The following PXDNL variants were observed in gnomAD, a reference collection of about 807,000 sequenced individuals.
PXDNL encodes the protein peroxidasin like.
A neutral mutation model predicts 150.8 loss-of-function variants in PXDNL; 145 were observed. The ratio of observed to expected loss-of-function variants is 0.96; its 90% CI spans 0.84 to 1.10. PXDNL has a LOEUF of 1.10. Among genes scored for constraint, PXDNL ranks in the 50% least tolerant of loss-of-function variants. The probability of loss-of-function intolerance (pLI) is 0.00; values close to 1 mark genes in which losing one functional copy is unlikely to be tolerated. For missense variants in PXDNL, 2,087 were observed against 1,873.9 expected (o/e 1.11, Z -2.10); for synonymous variants, 757 against 725.7 (o/e 1.04, Z -0.69).
chr8:51,365,277 G>T (rs1806879107), intron 19 of PXDNL, among the ~76,000 whole-genome samples: 1 of 152,164 alleles, frequency 6.6e-6, no homozygotes, highest in Admixed American at 6.5e-5. Context: ...TGAAAGTTGT[G>T]CTAAATAATA....
chr8:51,503,804 A>G (rs1811232759), intron 4 of PXDNL, among the ~76,000 whole-genome samples: 1 of 152,188 alleles, frequency 6.6e-6, no homozygotes, highest in Admixed American at 6.5e-5. Flanking sequence ...CATGGCTTCA[A>G]TTATTATCTC....
intron 2 of PXDNL, among the ~76,000 whole-genome samples, chr8:51,642,575 A>C (rs935506512): frequency 1.3e-5 from 2 of 152,168 alleles, no homozygotes; most frequent in African/African-American, 4.8e-5. Context: ...ACAAACCCAC[A>C]GCCAATATCA....
At position 51,787,109 on chromosome 8, in the gene PXDNL, A is replaced by AC. The variant is rs1235161653; in HGVS notation, c.164+22071_164+22072insG. Among the ~76,000 whole-genome samples the AC allele has an allele frequency of 5.9e-5, 9 of 151,806 alleles. No individual in the cohort carries two copies. In the East Asian group the frequency reaches 1.7e-3, roughly 29 times the overall value. On this transcript the variant is annotated intron_variant, in intron 1 of 22. Coordinates refer to ENST00000356297, the MANE Select transcript of PXDNL (RefSeq NM_144651.5). ...TGCAACCTACTTCCCAGAAAAAAAA[A>AC]AAAAAAGAATCTTTTCAAAATATTA...
chr8:51,426,684 C>A lies in PXDNL; in HGVS notation c.1600G>T (p.Ala534Ser). ...VGKNINISCH[A>S]QGEPQPIITW... ...ATTATGGGCTGTGGTTCTCCTTGAG[C>A]ATGACATGAAATGTTTATATTCTTT... Residue 534 changes from alanine to serine, a missense_variant, in exon 13 of 23, where the codon GCT becomes TCT. Transcript: ENST00000356297. 6.2e-7 allele frequency: 1 copy of A among 1,607,848 alleles called. No homozygotes were observed. The highest frequency in any genetic ancestry group is 8.5e-7 in the Non-Finnish European group (1 of 1,176,166).
At chr8:51,383,151 T>C (rs939588893) in intron 17 of PXDNL, among the ~76,000 whole-genome samples, 2 of 152,224 alleles carry the variant, frequency 1.3e-5, no homozygotes, top group Non-Finnish European at 2.9e-5. Context: ...AAACATTTCT[T>C]ATTAATTCAT....
At chr8:51,449,417 T>C (rs1287212484) in intron 10 of PXDNL, among the ~76,000 whole-genome samples, 4 of 152,214 alleles carry the variant, frequency 2.6e-5, no homozygotes, top group African/African-American at 9.6e-5. Context: ...ATCATTTTAG[T>C]AGATGTGATA....
rs1385284632 is a variant in PXDNL at position 51,409,178 on chromosome 8, G to C, written c.2446C>G (p.His816Asp). 1.3e-6 allele frequency: 2 copies of C among 1,596,266 alleles called. No homozygotes were observed. Among genetic ancestry groups the C allele is most frequent in the Non-Finnish European group, 1.7e-6 (2 of 1,175,750 alleles). ...WGWFLEHDLD[H>D]TVPALSTARF... ...GCTGTGCTCAGCGCAGGCACTGTGT[G>C]GTCCAAGTCGTGCTCTAGAAACCAG... is the stretch of plus-strand genomic sequence containing the variant. Residue 816 changes from histidine to aspartate, a missense_variant, in exon 17 of 23, where the codon CAC becomes GAC. Coordinates refer to ENST00000356297, the MANE Select transcript of PXDNL (RefSeq NM_144651.5).
chr8:51,377,577 G>A (rs1021631503), intron 17 of PXDNL, among the ~76,000 whole-genome samples: 4 of 152,220 alleles, frequency 2.6e-5, no homozygotes, highest in Non-Finnish European at 5.9e-5. Flanking sequence ...CGCGAGTTCC[G>A]GGTGGGCGTG....
At chr8:51,445,891 A>G (rs922482811) in intron 12 of PXDNL, among the ~76,000 whole-genome samples, 1 of 152,122 alleles carries the variant, frequency 6.6e-6, no homozygotes, top group Admixed American at 6.5e-5. Context: ...ACACCTTTCC[A>G]CAATTGTATT....
intron 13 of PXDNL, among the ~76,000 whole-genome samples, chr8:51,425,145 C>T (rs912356923): frequency 1.3e-5 from 2 of 152,226 alleles, no homozygotes; most frequent in African/African-American, 4.8e-5. Flanking sequence ...AAATGTATTG[C>T]TCTGAAATAT....
At chr8:51,538,484 G>C (rs753585574) in intron 4 of PXDNL, among the ~76,000 whole-genome samples, 1 of 151,900 alleles carries the variant, frequency 6.6e-6, no homozygotes, top group Non-Finnish European at 1.5e-5. Context: ...AAAATAAATC[G>C]GCCGGGTGCA....
intron 1 of PXDNL, among the ~76,000 whole-genome samples, chr8:51,787,100 G>GAAAAA (rs61051633): frequency 7.1e-6 from 1 of 140,986 alleles, no homozygotes. Flanking sequence ...CTACTTCCCA[G>GAAAAA]AAAAAAAAAA....
intron 17 of PXDNL, among the ~76,000 whole-genome samples, chr8:51,397,578 T>C (rs766231639): frequency 2.2e-4 from 33 of 152,132 alleles, no homozygotes; most frequent in Non-Finnish European, 4.4e-4. Flanking sequence ...CACACATAAA[T>C]AGTTGCAATG....
intron 4 of PXDNL, among the ~76,000 whole-genome samples, chr8:51,521,327 A>G (rs895793625): frequency 2.5e-3 from 24 of 9,604 alleles, no homozygotes; most frequent in Admixed American, 0.014. Flanking sequence ...GATGGAAACT[A>G]TAAAAAAAAA....
intron 3 of PXDNL, among the ~76,000 whole-genome samples, chr8:51,581,879 C>A (rs1813219150): frequency 6.6e-6 from 1 of 152,136 alleles, no homozygotes; most frequent in Non-Finnish European, 1.5e-5. Context: ...ATTACTGATG[C>A]AATCTGCTTA....
At chr8:51,541,776 A>G (rs1812221813) in intron 4 of PXDNL, among the ~76,000 whole-genome samples, 1 of 152,090 alleles carries the variant, frequency 6.6e-6, no homozygotes, top group African/African-American at 2.4e-5. Context: ...ACCTCTGGAA[A>G]ACACCAGAGA....
intron 1 of PXDNL, among the ~76,000 whole-genome samples, chr8:51,692,095 T>C (rs1585677801): frequency 6.6e-6 from 1 of 152,300 alleles, no homozygotes; most frequent in East Asian, 1.9e-4. Flanking sequence ...CCATCCCCTC[T>C]TTACCTAGGC....
chr8:51,788,758 T>C (rs1325449352), intron 1 of PXDNL, among the ~76,000 whole-genome samples: 2 of 152,228 alleles, frequency 1.3e-5, no homozygotes, highest in East Asian at 1.9e-4. Flanking sequence ...GGATGTGTTC[T>C]TGGCCTTGGT....
chr8:51,717,818 G>A lies in PXDNL; in HGVS notation c.165-63058C>T, dbSNP rs1444704357. Reference sequence around the variant, plus strand: ...ATTTGTGGTCAGGCAGTGTCACCCTGCAGGATTCTGTTGGCAAAAGGGAAC... The same window carrying A: ...ATTTGTGGTCAGGCAGTGTCACCCTACAGGATTCTGTTGGCAAAAGGGAAC... On this transcript the variant is annotated intron_variant, in intron 1 of 22. Transcript: ENST00000356297. Among the ~76,000 whole-genome samples the A allele has an allele frequency of 4.6e-5, 7 of 152,296 alleles. No homozygotes were observed. In the East Asian group the frequency reaches 1.4e-3, roughly 29 times the overall value.
Sources: gnomAD v4.1 joint callset for allele counts (sites outside exome capture counted in the v4.1 genomes callset) on GRCh38, gnomAD v4.1.1 for gene constraint, MANE v1.5 for transcripts, NCBI Gene and HGNC (gene_info 2026-07-23, HGNC 2026-07-21) for gene names.